The following ATAD3A variants were observed in gnomAD, a reference collection of about 807,000 sequenced individuals.
The protein encoded by ATAD3A is ATPase family AAA domain-containing protein 3A.
ATAD3A carries 46 observed loss-of-function variants against 73.8 expected under a neutral mutation model. The ratio of observed to expected loss-of-function variants is 0.62; its 90% CI spans 0.49 to 0.80. ATAD3A has a LOEUF of 0.80. ATAD3A is among the 30% of genes least tolerant of loss of function. ATAD3A has a pLI of 0.00. For missense variants in ATAD3A, 705 were observed against 838.0 expected, an observed-to-expected ratio of 0.84 and a Z score of 1.96; for synonymous variants, 319 against 350.0, an observed-to-expected ratio of 0.91 and a Z score of 0.99.
intron 13 of ATAD3A, among the ~76,000 whole-genome samples, chr1:1,526,817 C>T (rs1641863883): frequency 6.6e-6 from 1 of 152,216 alleles, no homozygotes; most frequent in South Asian, 2.1e-4. Context: ...TAGGTTTCTG[C>T]GGTCCTGTGC....
intron 15 of ATAD3A, among the ~76,000 whole-genome samples, chr1:1,533,063 G>A (rs887462741): frequency 1.3e-5 from 2 of 152,230 alleles, no homozygotes; most frequent in African/African-American, 2.4e-5. Context: ...GGCAGGTTCC[G>A]TCGTGGCGAC....
At chr1:1,513,909 G>T (rs563575477) in intron 1 of ATAD3A, among the ~76,000 whole-genome samples, 2 of 152,012 alleles carry the variant, frequency 1.3e-5, no homozygotes, top group East Asian at 3.9e-4. Context: ...TGAGGCTATA[G>T]CCCCATGCCG....
At chr1:1,518,613 G>A (rs1210794415) in intron 4 of ATAD3A, among the ~76,000 whole-genome samples, 3 of 90,384 alleles carry the variant, frequency 3.3e-5, no homozygotes, top group Non-Finnish European at 5.5e-5. Flanking sequence ...CCACACACGG[G>A]CGTACACACC....
chr1:1,512,245 G>A lies in ATAD3A; in HGVS notation c.-24G>A, dbSNP rs758407786. ...AGACTCGGGTGGGGGTCCCGGCGGC[G>A]GTAGCGGCGGCGGCGGTGCGAGCAT... On this transcript the variant is annotated 5_prime_UTR_variant, in exon 1 of 16. Transcript: ENST00000378756. 1.6e-6 allele frequency: 2 copies of A among 1,276,666 alleles called. No individual in the cohort carries two copies. The allele number at this position is 1,276,666 out of a possible 1,614,324, so 79.1% of individuals were successfully genotyped here. A position where few individuals can be genotyped will look rare whatever the true frequency, so the allele number is the denominator to read the frequency against.
chr1:1,518,812 A>G (rs1317428249), intron 4 of ATAD3A, 109 bp from the exon 5 acceptor site: 1 of 1,596,148 alleles, frequency 6.3e-7, no homozygotes, highest in Non-Finnish European at 8.5e-7. Context: ...CACACCCCGC[A>G]AACGGGCACA....
rs1430560524 is a variant in ATAD3A, at chr1:1,529,417, G to A, written c.1614+86G>A. The A allele has an allele frequency of 4.0e-6, 6 of 1,499,094 alleles. No homozygotes were observed. In the East Asian group the frequency reaches 1.5e-4, roughly 37 times the overall value. 92.9% of individuals were successfully genotyped at this position (1,499,094 alleles called of 1,614,324 possible). ...TTGCGCCAGGCCTGTCCCAGCACCG[G>A]TGTCACGCGGGAGCTTCTGTTGAGG... On this transcript the variant is annotated intron_variant, in intron 15 of 15. Coordinates refer to ENST00000378756, the MANE Select transcript of ATAD3A (RefSeq NM_001170535.3).
In ATAD3A at chr1:1,533,587, G is replaced by A. The variant is rs9439445; in HGVS notation, c.1615-339G>A. On this transcript the variant is annotated intron_variant, in intron 15 of 15. Coordinates refer to ENST00000378756, the MANE Select transcript of ATAD3A (RefSeq NM_001170535.3). ...CACTATGACCCGGGGGCACTGCCTG[G>A]CCACGGCTGAGACTCGCAGAGGGTC... Among the ~76,000 whole-genome samples, 1,262 of 152,278 alleles carry A rather than the reference G, an allele frequency of 8.3e-3. 18 individuals are homozygous for A. Among genetic ancestry groups the A allele is most frequent in the African/African-American group, 0.027 (1,115 of 41,536 alleles).
At chr1:1,512,685 G>A (rs1459498300) in intron 1 of ATAD3A, 11 of 1,286,724 alleles carry the variant, frequency 8.5e-6, no homozygotes, top group Middle Eastern at 3.1e-4. Context: ...GTCAGGAGCG[G>A]GTCAGGTGCG....
intron 1 of ATAD3A, 38 bp downstream of exon 1, chr1:1,512,511 C>T (rs1570313833): frequency 3.5e-6 from 2 of 575,488 alleles, no homozygotes; most frequent in South Asian, 4.8e-5. Context: ...GGCGGGCGGG[C>T]GGGACGGGCC....
chr1:1,532,065 G>A lies in ATAD3A; in HGVS notation c.1615-1861G>A, dbSNP rs193264379. Among the ~76,000 whole-genome samples the A allele has an allele frequency of 2.5e-4, 38 of 152,292 alleles. No homozygotes were observed. In the East Asian group the frequency reaches 6.9e-3, roughly 28 times the overall value. On this transcript the variant is annotated intron_variant, in intron 15 of 15. Coordinates refer to ENST00000378756, the MANE Select transcript of ATAD3A (RefSeq NM_001170535.3). ...ACTCGGCTAATATTGATTGATTTTT[G>A]TATGTTGAACATTTTTTATGTGGAA...
rs1207928800 is a variant in ATAD3A, at chr1:1,534,096, A to G, written c.*24A>G. 6 of 1,611,310 alleles carry G rather than the reference A, an allele frequency of 3.7e-6. No homozygotes were observed. Among genetic ancestry groups the G allele is most frequent in the Admixed American group, 3.3e-5 (2 of 59,982 alleles). On this transcript the variant is annotated 3_prime_UTR_variant, in exon 16 of 16. Transcript: ENST00000378756. ...GAGTCCACAGGGAGATCCACAGCTC[A>G]CGGAGCCTGGCCGCGGACCCCTCCC...
At chr1:1,518,416 C>T (rs958156818) in intron 4 of ATAD3A, among the ~76,000 whole-genome samples, 15 of 146,112 alleles carry the variant, frequency 1.0e-4, no homozygotes, top group African/African-American at 3.3e-4. Context: ...CCCCCATAGA[C>T]GGACACACAC....
At chr1:1,515,148 G>C (rs2100643845) in intron 1 of ATAD3A, among the ~76,000 whole-genome samples, 1 of 152,302 alleles carries the variant, frequency 6.6e-6, no homozygotes, top group East Asian at 1.9e-4. Context: ...TGCGATCTGG[G>C]TTCACTGCAG....
Position 1,523,527 on chromosome 1 carries a change from T to G in ATAD3A, c.923T>G (p.Leu308Arg). The G allele has an allele frequency of 6.2e-7, 1 of 1,612,902 alleles. No individual in the cohort carries two copies. Among genetic ancestry groups the G allele is most frequent in the Non-Finnish European group, 8.5e-7 (1 of 1,179,634 alleles). Reference sequence around the variant, plus strand: ...CTCCGGCAGGTCAGCCGGCGGCTCCTCAGTCGACCCCAGGACGCGCTGGAG... The same window carrying G: ...CTCCGGCAGGTCAGCCGGCGGCTCCGCAGTCGACCCCAGGACGCGCTGGAG... ...RHPIQVSRRL[L>R]SRPQDALEGV... Residue 308 changes from leucine (L) to arginine (R), a missense_variant, in exon 9 of 16, where the codon CTC (leucine) becomes CGC (arginine). By Grantham distance (102) the Leu-to-Arg change is moderately radical. This residue lies in a region of ATAD3A where 315 missense variants were observed against 334.1 expected (regional missense o/e 0.94). Coordinates refer to ENST00000378756, the MANE Select transcript of ATAD3A (RefSeq NM_001170535.3). This position sits in a 1 kb window ranked among gnomAD's most constrained non-coding sequence, Gnocchi z 5.1.
chr1:1,532,737 CTT>C (rs1458856642), intron 15 of ATAD3A, among the ~76,000 whole-genome samples: 1 of 152,188 alleles, frequency 6.6e-6, no homozygotes, highest in East Asian at 1.9e-4. Context: ...TTTGCCCTCT[CTT>C]GGGTGCGCTC....
chr1:1,534,165 G>A lies in ATAD3A; in HGVS notation c.*93G>A. 2 of 1,600,264 alleles carry A rather than the reference G, an allele frequency of 1.2e-6. No individual in the cohort carries two copies. The highest frequency in any genetic ancestry group is 4.7e-5 in the East Asian group (2 of 42,934). On this transcript the variant is annotated 3_prime_UTR_variant, in exon 16 of 16. Transcript: ENST00000378756. Reference sequence around the variant, plus strand: ...CCTGCACATTTAGGATATGCTCCTGGGTGGGGACTGGGCTGTGCCCAGGGC... The same window carrying A: ...CCTGCACATTTAGGATATGCTCCTGAGTGGGGACTGGGCTGTGCCCAGGGC...
At chr1:1,527,304 G>A (rs1306907972) in intron 13 of ATAD3A, 16 of 1,168,494 alleles carry the variant, frequency 1.4e-5, no homozygotes, top group Admixed American at 9.2e-5. Flanking sequence ...AGGCAAGGCT[G>A]GGGCCCTGCT....
Position 1,534,327 on chromosome 1 carries a change from C to G in ATAD3A, c.*255C>G. On this transcript the variant is annotated 3_prime_UTR_variant, in exon 16 of 16. Transcript: ENST00000378756. ...CACTCTTGGGAGATGCATTTTCCGT[C>G]TGGCTCACAGGGGGAGGGTGAGGCT... is the stretch of plus-strand genomic sequence containing the variant. 2.1e-6 allele frequency: 3 copies of G among 1,414,758 alleles called. No homozygotes were observed. The highest frequency in any genetic ancestry group is 2.8e-6 in the Non-Finnish European group (3 of 1,088,162). 87.6% of individuals were successfully genotyped at this position (1,414,758 alleles called of 1,614,324 possible).
intron 14 of ATAD3A, among the ~76,000 whole-genome samples, chr1:1,528,979 G>A (rs1480533810): frequency 6.6e-6 from 1 of 152,258 alleles, no homozygotes; most frequent in African/African-American, 2.4e-5. Flanking sequence ...TGCTGAGTGA[G>A]CAGCTGTGGG....
Sources: allele counts gnomAD v4.1 joint callset (sites outside exome capture counted in the v4.1 genomes callset), GRCh38; gene constraint gnomAD v4.1.1; regional missense constraint gnomAD v4.1.1; non-coding constraint Gnocchi (gnomAD v3.1); transcripts MANE v1.5; gene names NCBI Gene and HGNC (gene_info 2026-07-23, HGNC 2026-07-21).